Variants in SPAG5 observed in about 807,000 individuals in gnomAD.
The protein encoded by SPAG5 is sperm associated antigen 5, also known as sperm-associated antigen 5.
A neutral mutation model predicts 145.4 loss-of-function variants in SPAG5; 99 were observed. The observed-to-expected ratio is 0.68, with a 90% CI of 0.58 to 0.80. SPAG5 has a LOEUF of 0.80. SPAG5 is among the 30% of genes least tolerant of loss of function. The pLI is 0.00. For missense variants in SPAG5, 1,192 were observed against 1,416.0 expected, an observed-to-expected ratio of 0.84 and a Z score of 2.54; for synonymous variants, 477 against 525.4, an observed-to-expected ratio of 0.91 and a Z score of 1.26.
chr17:28,590,748 A>T (rs956125266), intron 4 of SPAG5, among the ~76,000 whole-genome samples: 1 of 151,784 alleles, frequency 6.6e-6, no homozygotes, highest in African/African-American at 2.4e-5. Flanking sequence ...ATGCGCTTGT[A>T]GTCCCAGCTA....
At chr17:28,578,786 A>G (rs985592513) in intron 19 of SPAG5, 34 bp from the exon 20 acceptor site, 29 of 1,560,234 alleles carry the variant, frequency 1.9e-5, no homozygotes, top group Non-Finnish European at 2.4e-5. Flanking sequence ...AGACACATGA[A>G]GAGCTGGTCT....
chr17:28,593,851 A>G (rs2070641512), intron 2 of SPAG5, among the ~76,000 whole-genome samples: 1 of 152,154 alleles, frequency 6.6e-6, no homozygotes, highest in Admixed American at 6.5e-5. Context: ...ACATAAATAC[A>G]CACACAAAGA....
At position 28,577,627 on chromosome 17, in the gene SPAG5, G is replaced by C; in HGVS notation, c.*72C>G. 1 of 997,908 alleles carries C rather than the reference G, an allele frequency of 1.0e-6. No homozygotes were observed. The highest frequency in any genetic ancestry group is 2.4e-5 in the East Asian group (1 of 42,190). The allele number at this position is 997,908 out of a possible 1,614,324, so 61.8% of individuals were successfully genotyped here. ...ATTTATCTCAGTTGGCTCTATGCCAGTTGGTCTTGGTATTGGGGTAAGGGG... is the reference window on the plus strand; with the variant it reads ...ATTTATCTCAGTTGGCTCTATGCCACTTGGTCTTGGTATTGGGGTAAGGGG... On this transcript the variant is annotated 3_prime_UTR_variant, in exon 24 of 24. Transcript: ENST00000321765.
chr17:28,579,083 G>T, intron 19 of SPAG5, 58 bp downstream of exon 19: 1 of 1,374,220 alleles, frequency 7.3e-7, no homozygotes, highest in Non-Finnish European at 1.0e-6. Context: ...ATGGCTCCCA[G>T]TGGGCCAGTA....
rs1191473149 is a variant in SPAG5, at chr17:28,584,354, C to T, written c.2288G>A (p.Ser763Asn). 1 of 1,614,184 alleles carries T rather than the reference C, an allele frequency of 6.2e-7. No individual in the cohort carries two copies. The highest frequency in any genetic ancestry group is 1.7e-5 in the Admixed American group (1 of 60,024). Residue 763 changes from serine (S) to asparagine (N), a missense_variant, in exon 12 of 24, where the codon AGC becomes AAC. Around this residue, in one of 5 missense-constraint regions of SPAG5, gnomAD observed 709 missense variants for 840.7 expected, o/e 0.84. Coordinates refer to ENST00000321765, the MANE Select transcript of SPAG5 (RefSeq NM_006461.4). ...TCACTGAGCAGCCTGCTCCTCATTG[C>T]TCTGGGTAAGCTGGCAGAGTAACTC... The part of the protein sequence containing the change: ...KDELLCQLTQ[S>N]NEEQAAQWQK...
At chr17:28,584,110 G>A (rs1469987693) in intron 13 of SPAG5, 40 bp downstream of exon 13, 1 of 1,610,862 alleles carries the variant, frequency 6.2e-7, no homozygotes, top group African/African-American at 1.3e-5. Flanking sequence ...TCACACTCCT[G>A]AGGCTTACCA....
At chr17:28,589,941 C>T (rs2070609528) in intron 4 of SPAG5, among the ~76,000 whole-genome samples, 1 of 152,084 alleles carries the variant, frequency 6.6e-6, no homozygotes, top group African/African-American at 2.4e-5. Context: ...TGTTATTAAC[C>T]ATCATCTCTG....
intron 15 of SPAG5, among the ~76,000 whole-genome samples, chr17:28,581,629 G>A (rs934772454): frequency 6.6e-6 from 1 of 151,206 alleles, no homozygotes; most frequent in Non-Finnish European, 1.5e-5. Flanking sequence ...TTCTCAGCCT[G>A]CTCCCTCTCC....
At position 28,578,753 on chromosome 17, in the gene SPAG5, CTG is replaced by C. The variant is rs764382993; in HGVS notation, c.3118-3_3118-2del. ...TCACTTCCTGGAGCTCCTTTTCATT[CTG>C]TGAGGGAAAGGGAGGTGAGAAGACA... On this transcript the variant is annotated splice_acceptor_variant and splice_polypyrimidine_tract_variant and intron_variant, in intron 19 of 23. Coordinates refer to ENST00000321765, the MANE Select transcript of SPAG5 (RefSeq NM_006461.4). LOFTEE classifies it high-confidence loss of function. 2.8e-5 allele frequency: 45 copies of C among 1,612,710 alleles called. No homozygotes were observed. The Admixed American group carries it at 7.5e-4, about 27-fold the overall frequency.
intron 4 of SPAG5, among the ~76,000 whole-genome samples, chr17:28,589,541 C>T (rs1415423825): frequency 6.6e-6 from 1 of 152,150 alleles, no homozygotes; most frequent in East Asian, 1.9e-4. Context: ...ATTATGTCAT[C>T]CCTTTTTCTC....
chr17:28,590,616 A>T (rs1049353936), intron 4 of SPAG5, among the ~76,000 whole-genome samples: 5 of 151,962 alleles, frequency 3.3e-5, no homozygotes, highest in African/African-American at 1.2e-4. Flanking sequence ...CACGCCTGTA[A>T]TCCCAGCACT....
At chr17:28,580,687 T>C (rs140790778) in intron 15 of SPAG5, 2 of 152,252 alleles carry the variant, frequency 1.3e-5, no homozygotes, top group Non-Finnish European at 2.9e-5. Context: ...GCCCCACACC[T>C]TTCTGGTTAT....
At chr17:28,595,212 C>T (rs1341497070) in intron 2 of SPAG5, among the ~76,000 whole-genome samples, 7 of 147,514 alleles carry the variant, frequency 4.7e-5, no homozygotes, top group South Asian at 2.1e-4. Flanking sequence ...GAGCCAAGAT[C>T]GCGGCACTGC....
intron 14 of SPAG5, 97 bp downstream of exon 14, chr17:28,583,756 C>A (rs1157100270): frequency 6.5e-7 from 1 of 1,544,328 alleles, no homozygotes; most frequent in Admixed American, 2.0e-5. Flanking sequence ...AGAGGCTCAA[C>A]ACTCACAGTT....
chr17:28,589,865 T>G (rs926475542), intron 4 of SPAG5, among the ~76,000 whole-genome samples: 2 of 152,172 alleles, frequency 1.3e-5, no homozygotes, highest in Admixed American at 6.5e-5. Context: ...TGAGCCCTGA[T>G]CGCAACATGG....
At chr17:28,598,475 C>T (rs946136992) in intron 2 of SPAG5, 35 bp downstream of exon 2, 5 of 1,608,134 alleles carry the variant, frequency 3.1e-6, no homozygotes, top group Non-Finnish European at 2.5e-6. Context: ...CCTGGGCAAA[C>T]AGCCCAGTCG....
chr17:28,581,380 A>G (rs2070547986), intron 15 of SPAG5, among the ~76,000 whole-genome samples: 2 of 151,808 alleles, frequency 1.3e-5, no homozygotes, highest in Non-Finnish European at 2.9e-5. Flanking sequence ...TCTCCGCTTC[A>G]TTTCCTTGGC....
chr17:28,584,081 C>T (rs1189357660), intron 13 of SPAG5, 69 bp downstream of exon 13: 7 of 1,606,776 alleles, frequency 4.4e-6, no homozygotes, highest in Non-Finnish European at 6.0e-6. Flanking sequence ...AACCTTACCT[C>T]AACACTATCA....
rs769514543 is a variant in SPAG5 at position 28,592,185 on chromosome 17, G to C, written c.1059C>G (p.Ser353=). 6.2e-7 allele frequency: 1 copy of C among 1,614,132 alleles called. No individual in the cohort carries two copies. The highest frequency in any genetic ancestry group is 1.7e-5 in the Admixed American group (1 of 60,002). The change falls in exon 3 of 24, where the codon TCC becomes TCG. Residue 353 remains serine, a synonymous_variant. Transcript: ENST00000321765. The part of the protein sequence containing the change: ...LAWLEKGVNT[S]VMLENLRQSL... ...TTTGGCGGAGATTTTCCAGCATGAC[G>C]GAGGTATTTACACCTTTTTCCAGCC...
Sources: allele counts gnomAD v4.1 joint callset (sites outside exome capture counted in the v4.1 genomes callset), GRCh38; gene constraint gnomAD v4.1.1; regional missense constraint gnomAD v4.1.1; transcripts MANE v1.5; gene names NCBI Gene and HGNC (gene_info 2026-07-23, HGNC 2026-07-21).